The following ZBTB41 variants were observed in gnomAD, a reference collection of about 807,000 sequenced individuals.
ZBTB41 encodes the protein zinc finger and BTB domain-containing protein 41.
Under a neutral mutation model 87.6 loss-of-function variants are expected in ZBTB41, and 42 were observed. That is an observed-to-expected ratio of 0.48 (90% CI 0.37 to 0.62). ZBTB41 has a LOEUF of 0.62. Among genes scored for constraint, ZBTB41 ranks in the 20% least tolerant of loss-of-function variants. The probability of loss-of-function intolerance (pLI) is 0.00; values close to 1 mark genes in which losing one functional copy is unlikely to be tolerated. For synonymous variants in ZBTB41, 364 were observed against 364.0 expected (o/e 1.00, Z 0.00); for missense variants, 799 against 1,078.9 (o/e 0.74, Z 3.63).
intron 8 of ZBTB41, among the ~76,000 whole-genome samples, chr1:197,175,407 C>G (rs1307829630): frequency 1.7e-4 from 7 of 41,306 alleles, no homozygotes; most frequent in Non-Finnish European, 4.5e-4. Flanking sequence ...ATAAACGAAA[C>G]TACTTCAAAA....
Position 197,200,132 on chromosome 1 carries a change from ATGAAAATAACTAC to A in ZBTB41, c.329_341del (p.Ser110MetfsTer4). On this transcript the variant is annotated frameshift_variant, in exon 2 of 11. Coordinates refer to ENST00000367405, the MANE Select transcript of ZBTB41 (RefSeq NM_194314.3). LOFTEE classifies it high-confidence loss of function. The stretch of plus-strand genomic sequence containing the variant: ...TGCTTGGATTTTTGCTCAAACACGC[ATGAAAATAACTAC>A]TGCCGACAGCAACGACTACTTTATG... 6.2e-7 allele frequency: 1 copy of A among 1,614,004 alleles called. No individual in the cohort carries two copies. The highest frequency in any genetic ancestry group is 8.5e-7 in the Non-Finnish European group (1 of 1,180,042).
At chr1:197,180,917 T>A in intron 6 of ZBTB41, 71 bp downstream of exon 6, 3 of 1,491,598 alleles carry the variant, frequency 2.0e-6, no homozygotes, top group South Asian at 2.7e-5. Context: ...CTAATTCCTA[T>A]AAATCATATT....
intron 9 of ZBTB41, among the ~76,000 whole-genome samples, chr1:197,173,232 C>T (rs774941144): frequency 6.6e-6 from 1 of 152,088 alleles, no homozygotes; most frequent in African/African-American, 2.4e-5. Flanking sequence ...TTAACATATC[C>T]ATTGAGTTTT....
chr1:197,192,415 C>A (rs7520284), intron 2 of ZBTB41, among the ~76,000 whole-genome samples: 1 of 151,932 alleles, frequency 6.6e-6, no homozygotes, highest in African/African-American at 2.4e-5. Flanking sequence ...TGAAAAACTG[C>A]GGTAATAACA....
intron 10 of ZBTB41, among the ~76,000 whole-genome samples, chr1:197,161,384 A>T (rs1271798860): frequency 6.6e-6 from 1 of 152,116 alleles, no homozygotes; most frequent in East Asian, 1.9e-4. Flanking sequence ...AGCATCATCC[A>T]TTCTCCTAGT....
intron 6 of ZBTB41, 139 bp downstream of exon 6, chr1:197,180,848 CT>C: frequency 8.5e-6 from 8 of 940,214 alleles, no homozygotes; most frequent in Non-Finnish European, 1.2e-5. Flanking sequence ...TGTGTAATTC[CT>C]TTTTTCCTTA....
In ZBTB41 at chr1:197,158,517, G is replaced by A. The variant is rs967128350; in HGVS notation, c.*842C>T. On this transcript the variant is annotated 3_prime_UTR_variant, in exon 11 of 11. Coordinates refer to ENST00000367405, the MANE Select transcript of ZBTB41 (RefSeq NM_194314.3). ...TTTTCTTAGTGAGATGAAGACATAT[G>A]CTATGTTGTATTGTCAACATTTCTG... 1 of 152,346 alleles carries A rather than the reference G, an allele frequency of 6.6e-6. No homozygotes were observed. The highest frequency in any genetic ancestry group is 2.4e-5 in the African/African-American group (1 of 41,418). The allele number at this position is 152,346 out of a possible 1,614,324, so 9.4% of individuals were successfully genotyped here. A position where few individuals can be genotyped will look rare whatever the true frequency, so the allele number is the denominator to read the frequency against.
intron 2 of ZBTB41, among the ~76,000 whole-genome samples, chr1:197,192,168 G>T (rs1029215030): frequency 2.0e-5 from 3 of 151,586 alleles, no homozygotes; most frequent in African/African-American, 7.3e-5. Flanking sequence ...AAATTAAGAG[G>T]TTTGATACAT....
chr1:197,177,045 A>G (rs1405533950), intron 7 of ZBTB41, among the ~76,000 whole-genome samples: 1 of 152,172 alleles, frequency 6.6e-6, no homozygotes, highest in African/African-American at 2.4e-5. Flanking sequence ...AGGAATTAGA[A>G]TCAGACAAAT....
At position 197,156,849 on chromosome 1, in the gene ZBTB41, T is replaced by C. The variant is rs1659078757; in HGVS notation, c.*2510A>G. 1 of 152,194 alleles carries C rather than the reference T, an allele frequency of 6.6e-6. No individual in the cohort carries two copies. Among genetic ancestry groups the C allele is most frequent in the African/African-American group, 2.4e-5 (1 of 41,406 alleles). The allele number at this position is 152,194 out of a possible 1,614,324, so 9.4% of individuals were successfully genotyped here. A position where few individuals can be genotyped will look rare whatever the true frequency, so the allele number is the denominator to read the frequency against. On this transcript the variant is annotated 3_prime_UTR_variant, in exon 11 of 11. Coordinates refer to ENST00000367405, the MANE Select transcript of ZBTB41 (RefSeq NM_194314.3). ...ATGACAGGATGTAGTACCTGGCACA[T>C]AGTAAGCATTCATTAATGCTAGCTT...
chr1:197,173,564 C>A (rs1417189458), intron 9 of ZBTB41, among the ~76,000 whole-genome samples: 1 of 152,010 alleles, frequency 6.6e-6, no homozygotes, highest in African/African-American at 2.4e-5. Flanking sequence ...GCCACCACAC[C>A]CAGATAATTT....
intron 10 of ZBTB41, among the ~76,000 whole-genome samples, chr1:197,166,939 A>G (rs1044074118): frequency 6.6e-6 from 1 of 152,160 alleles, no homozygotes; most frequent in Admixed American, 6.6e-5. Context: ...TGCAAACACT[A>G]ATGAGGAAAT....
chr1:197,168,524 T>C (rs1399528031), intron 10 of ZBTB41, among the ~76,000 whole-genome samples: 1 of 152,090 alleles, frequency 6.6e-6, no homozygotes, highest in African/African-American at 2.4e-5. Context: ...TGAGAAAGGA[T>C]CATCTTTCCA....
chr1:197,164,851 T>G (rs1462091083), intron 10 of ZBTB41, among the ~76,000 whole-genome samples: 8 of 123,858 alleles, frequency 6.5e-5, no homozygotes, highest in African/African-American at 2.5e-4. Context: ...ATATATATTA[T>G]ATATAATACA....
chr1:197,190,831 T>C lies in ZBTB41; in HGVS notation c.1329A>G (p.Arg443=), dbSNP rs541545301. 1.2e-5 allele frequency: 19 copies of C among 1,567,922 alleles called. No homozygotes were observed. Among genetic ancestry groups the C allele is most frequent in the Non-Finnish European group, 1.5e-5 (17 of 1,147,790 alleles). ...ATTCTTGTGCATTTTCAGGATGAAATCTATCAGAGGAAAAGAAAAAGATTA... is the reference window on the plus strand; with the variant it reads ...ATTCTTGTGCATTTTCAGGATGAAACCTATCAGAGGAAAAGAAAAAGATTA... ...SKKTLAKHVK[R]FHPENAQEFI... Residue 443 remains arginine (R), a splice_region_variant and synonymous_variant, in exon 4 of 11, where the codon AGA becomes AGG. Coordinates refer to ENST00000367405, the MANE Select transcript of ZBTB41 (RefSeq NM_194314.3).
At chr1:197,179,985 G>A (rs1393477572) in intron 6 of ZBTB41, among the ~76,000 whole-genome samples, 1 of 151,942 alleles carries the variant, frequency 6.6e-6, no homozygotes, top group Admixed American at 6.6e-5. Flanking sequence ...TGTTTATAAA[G>A]TCTACATTAG....
At chr1:197,192,260 A>G (rs967777667) in intron 2 of ZBTB41, among the ~76,000 whole-genome samples, 2 of 152,232 alleles carry the variant, frequency 1.3e-5, no homozygotes, top group African/African-American at 4.8e-5. Flanking sequence ...TTAGCAAAAG[A>G]TCAATTCATC....
chr1:197,164,399 T>G (rs1482876925), intron 10 of ZBTB41, among the ~76,000 whole-genome samples: 1 of 151,736 alleles, frequency 6.6e-6, no homozygotes, highest in African/African-American at 2.4e-5. Flanking sequence ...TGATGATACA[T>G]TCAAGCCCAA....
At chr1:197,174,730 A>G (rs148580977) in intron 9 of ZBTB41, among the ~76,000 whole-genome samples, 2,083 of 152,204 alleles carry the variant, frequency 0.014, 42 homozygotes, top group African/African-American at 0.048. Flanking sequence ...ATATATAGGC[A>G]GTATATTTAG....
Sources: allele counts gnomAD v4.1 joint callset (sites outside exome capture counted in the v4.1 genomes callset), GRCh38; gene constraint gnomAD v4.1.1; transcripts MANE v1.5; gene names NCBI Gene and HGNC (gene_info 2026-07-23, HGNC 2026-07-21).